Variants in NMNAT1 observed in about 807,000 individuals in gnomAD.
The protein encoded by NMNAT1 is nicotinamide nucleotide adenylyltransferase 1, also known as nicotinamide/nicotinic acid mononucleotide adenylyltransferase 1.
Under a neutral mutation model 16.7 loss-of-function variants are expected in NMNAT1, and 11 were observed. That is an observed-to-expected ratio of 0.66 (90% CI 0.41 to 1.09). NMNAT1 has a LOEUF of 1.09. NMNAT1 is among the 50% of genes least tolerant of loss of function. NMNAT1 has a pLI of 0.00. For missense variants in NMNAT1, 280 were observed against 332.3 expected (o/e 0.84, Z 1.22); for synonymous variants, 110 against 119.8 (o/e 0.92, Z 0.53).
intron 1 of NMNAT1, chr1:9,950,453 A>T (rs997288079): frequency 2.0e-5 from 3 of 152,252 alleles, no homozygotes; most frequent in Non-Finnish European, 2.9e-5. Context: ...CCTGCTGTTC[A>T]GCTGAAATAG....
chr1:9,951,242 A>C (rs1470278630), intron 1 of NMNAT1: 1 of 152,194 alleles, frequency 6.6e-6, no homozygotes, highest in Non-Finnish European at 1.5e-5. Context: ...TGTAGAAGTT[A>C]AGCTGCTCAC....
At chr1:9,982,012 C>T (rs372834208) in intron 4 of NMNAT1, among the ~76,000 whole-genome samples, 4 of 152,064 alleles carry the variant, frequency 2.6e-5, no homozygotes, top group Non-Finnish European at 4.4e-5. Context: ...TACAGGCGTG[C>T]GCCACCACAC....
rs747825699 is a variant in NMNAT1 at position 9,972,086 on chromosome 1, G to A, written c.13G>A (p.Glu5Lys). 2.2e-5 allele frequency: 35 copies of A among 1,600,554 alleles called. No homozygotes were observed. The highest frequency in any genetic ancestry group is 1.0e-4 in the Admixed American group (6 of 59,786). Residue 5 changes from glutamate to lysine, a missense_variant, in exon 2 of 5, where the codon GAG becomes AAG. Transcript: ENST00000377205. The part of the protein sequence containing the change: MENS[E>K]KTEVVLLACG... The stretch of plus-strand genomic sequence containing the variant: ...TCAAGTTCTTACCATGGAAAATTCC[G>A]AGAAGACTGAAGTGGTTCTCCTTGC...
intron 1 of NMNAT1, chr1:9,955,818 T>TA (rs1641245134): frequency 6.6e-6 from 1 of 152,160 alleles, no homozygotes; most frequent in African/African-American, 2.4e-5. Flanking sequence ...ACTACACACT[T>TA]ACCAATTGTG....
At chr1:9,952,480 A>G (rs1420622727) in intron 1 of NMNAT1, 1 of 152,156 alleles carries the variant, frequency 6.6e-6, no homozygotes, top group Non-Finnish European at 1.5e-5. Flanking sequence ...CTAAAAAGAC[A>G]GAGGAACAGC....
the NMNAT1 span, among the ~76,000 whole-genome samples, chr1:9,994,948 A>G: frequency 1.3e-5 from 2 of 151,982 alleles, no homozygotes; most frequent in Non-Finnish European, 2.9e-5. Context: ...GGGTTTCACC[A>G]TGTTGACCAG....
At chr1:9,954,066 A>G (rs1009502477) in intron 1 of NMNAT1, among the ~76,000 whole-genome samples, 1 of 151,860 alleles carries the variant, frequency 6.6e-6, no homozygotes, top group Admixed American at 6.6e-5. Flanking sequence ...TCGGCCTCCC[A>G]AAGTGCTGGG....
chr1:9,982,183 G>A (rs1217618134), intron 4 of NMNAT1, 118 bp from the exon 5 acceptor site: 4 of 1,347,480 alleles, frequency 3.0e-6, no homozygotes, highest in Non-Finnish European at 4.1e-6. Context: ...TCCTTGAAAA[G>A]CACATACGTA....
In NMNAT1 at chr1:9,953,327, A is replaced by G. The variant is rs11800072; in HGVS notation, c.-57+9812A>G. 5.0e-3 allele frequency among the ~76,000 whole-genome samples: 711 copies of G among 142,156 alleles called. 9 individuals are homozygous for G. Among genetic ancestry groups the G allele is most frequent in the African/African-American group, 0.018 (670 of 37,510 alleles). 93.3% of individuals were successfully genotyped at this position (142,156 alleles called of 152,430 possible). A position where few individuals can be genotyped will look rare whatever the true frequency, so the allele number is the denominator to read the frequency against. ...GAGTCTTGCTCTGTTGCCAGGCTGG[A>G]GTACAGTGGCGCCATCTCAGCTCAC... On this transcript the variant is annotated intron_variant, in intron 1 of 4. Coordinates refer to ENST00000377205, the MANE Select transcript of NMNAT1 (RefSeq NM_022787.4).
chr1:9,991,238 T>G, the NMNAT1 span, among the ~76,000 whole-genome samples: 1 of 150,418 alleles, frequency 6.6e-6, no homozygotes, highest in Admixed American at 6.7e-5. Flanking sequence ...CAGGCTGGAG[T>G]GCAATGGTGC....
chr1:9,963,687 G>A (rs749242540), intron 1 of NMNAT1, among the ~76,000 whole-genome samples: 2 of 151,768 alleles, frequency 1.3e-5, no homozygotes, highest in African/African-American at 2.4e-5. Context: ...GATTACAGGC[G>A]TGAGCCACCG....
chr1:9,959,059 A>G (rs1641336967), intron 1 of NMNAT1, among the ~76,000 whole-genome samples: 1 of 152,192 alleles, frequency 6.6e-6, no homozygotes, highest in South Asian at 2.1e-4. Context: ...GATTACGTGT[A>G]CGTAGTTTCC....
chr1:9,952,722 A>G (rs981413766), intron 1 of NMNAT1, among the ~76,000 whole-genome samples: 5 of 151,852 alleles, frequency 3.3e-5, no homozygotes, highest in Non-Finnish European at 7.4e-5. Context: ...TATTTTTAGT[A>G]GAGACAGGGT....
At chr1:9,969,150 G>C (rs1417134117) in intron 1 of NMNAT1, among the ~76,000 whole-genome samples, 1 of 152,026 alleles carries the variant, frequency 6.6e-6, no homozygotes, top group Non-Finnish European at 1.5e-5. Flanking sequence ...AAAGACCTGC[G>C]GTACTGACAG....
intron 1 of NMNAT1, among the ~76,000 whole-genome samples, chr1:9,957,899 G>A (rs1641303751): frequency 1.3e-5 from 2 of 152,178 alleles, no homozygotes; most frequent in Non-Finnish European, 1.5e-5. Context: ...GGTCGGGCGT[G>A]CCTGTCACCC....
At chr1:9,965,405 A>G (rs2101677318) in intron 1 of NMNAT1, among the ~76,000 whole-genome samples, 1 of 149,098 alleles carries the variant, frequency 6.7e-6, no homozygotes, top group East Asian at 2.0e-4. Flanking sequence ...TAATTTTTAT[A>G]TTATTGTTGT....
rs1553128193 is a variant in NMNAT1 at position 9,983,082 on chromosome 1, GC to G, written c.*382del. On this transcript the variant is annotated 3_prime_UTR_variant, in exon 5 of 5. Coordinates refer to ENST00000377205, the MANE Select transcript of NMNAT1 (RefSeq NM_022787.4). ...GATTGCACCATTGCACTCCAGCCTG[GC>G]GACAGAGCAAGACTCTGTCTCAAAA... 6.3e-6 allele frequency: 1 copy of G among 157,916 alleles called. No individual in the cohort carries two copies. Among genetic ancestry groups the G allele is most frequent in the Non-Finnish European group, 1.4e-5 (1 of 72,904 alleles). The allele number at this position is 157,916 out of a possible 1,614,324, so 9.8% of individuals were successfully genotyped here. A position where few individuals can be genotyped will look rare whatever the true frequency, so the allele number is the denominator to read the frequency against.
rs962546443 is a variant in NMNAT1 at position 9,982,381 on chromosome 1, A to G, written c.520A>G (p.Ile174Val). The change falls in exon 5 of 5, where the codon ATC (isoleucine) becomes GTC (valine). Residue 174 changes from isoleucine (I) to valine (V), a missense_variant. Ile to Val is a conservative substitution (Grantham distance 29). Coordinates refer to ENST00000377205, the MANE Select transcript of NMNAT1 (RefSeq NM_022787.4). ...AVPNLWKSED[I>V]TQIVANYGLI... ...TCCCAATTTGTGGAAGAGTGAAGACATCACCCAAATCGTGGCCAACTATGG... is the reference window on the plus strand; with the variant it reads ...TCCCAATTTGTGGAAGAGTGAAGACGTCACCCAAATCGTGGCCAACTATGG... 3.1e-6 allele frequency: 5 copies of G among 1,614,036 alleles called. No homozygotes were observed. In the African/African-American group the frequency reaches 5.3e-5, roughly 17 times the overall value.
intron 3 of NMNAT1, among the ~76,000 whole-genome samples, chr1:9,980,347 T>C (rs1390412982): frequency 1.3e-5 from 2 of 151,866 alleles, no homozygotes; most frequent in East Asian, 3.9e-4. Flanking sequence ...ATAAATAATG[T>C]TGGCCAGGCA....
Sources: allele counts gnomAD v4.1 joint callset (sites outside exome capture counted in the v4.1 genomes callset), GRCh38; gene constraint gnomAD v4.1.1; transcripts MANE v1.5; gene names NCBI Gene and HGNC (gene_info 2026-07-23, HGNC 2026-07-21).